RIMS2: variants seen among roughly 807,000 people sequenced by gnomAD.
RIMS2 encodes the protein regulating synaptic membrane exocytosis 2, also known as regulating synaptic membrane exocytosis protein 2.
In RIMS2, 59 loss-of-function variants were observed where a neutral mutation model predicts 174.4. The ratio of observed to expected loss-of-function variants is 0.34; its 90% CI spans 0.27 to 0.42. The LOEUF (loss-of-function observed/expected upper bound fraction) is 0.42, where lower values mean the gene tolerates loss of function less well. Ranked by LOEUF, RIMS2 falls within the 10% of genes least tolerant of loss-of-function variation. The pLI is 1.00. For missense variants in RIMS2, 1,620 were observed against 1,666.3 expected (o/e 0.97, Z 0.48); for synonymous variants, 606 against 572.5 (o/e 1.06, Z -0.84).
At chr8:104,243,246 T>G (rs7823401) in intron 19 of RIMS2, among the ~76,000 whole-genome samples, 7,054 of 152,252 alleles carry the variant, frequency 0.046, 333 homozygotes, top group East Asian at 0.14. Flanking sequence ...TTATACTCTT[T>G]AAAGCATTTT....
At chr8:103,910,559 C>G (rs1317416793) in intron 5 of RIMS2, 30 bp downstream of exon 8, 1 of 1,369,358 alleles carries the variant, frequency 7.3e-7, no homozygotes, top group Admixed American at 1.7e-5. Flanking sequence ...TGCCTTTTAA[C>G]CTGCTCATTT....
At chr8:103,787,182 G>T (rs1314682792) in intron 3 of RIMS2, among the ~76,000 whole-genome samples, 2 of 147,886 alleles carry the variant, frequency 1.4e-5, no homozygotes, top group Non-Finnish European at 3.0e-5. Context: ...CATGAGATGG[G>T]TTTCCTGAAT....
At chr8:104,238,466 T>TA (rs958396642) in intron 19 of RIMS2, among the ~76,000 whole-genome samples, 139 of 140,678 alleles carry the variant, frequency 9.9e-4, no homozygotes, top group South Asian at 1.6e-3. Context: ...AAAGTAAAAT[T>TA]AAAAAAAAAA....
At chr8:104,098,322 G>A (rs2097797026) in intron 19 of RIMS2, among the ~76,000 whole-genome samples, 1 of 152,098 alleles carries the variant, frequency 6.6e-6, no homozygotes, top group African/African-American at 2.4e-5. Flanking sequence ...TCTTAGCCAT[G>A]TGTGGATGGA....
intron 1 of RIMS2, among the ~76,000 whole-genome samples, chr8:103,564,318 T>G (rs912982514): frequency 6.6e-6 from 1 of 152,210 alleles, no homozygotes; most frequent in African/African-American, 2.4e-5. Context: ...GACTATGGTT[T>G]TATTCCAGCC....
At chr8:103,738,667 A>G (rs2097718861) in intron 2 of RIMS2, among the ~76,000 whole-genome samples, 1 of 152,214 alleles carries the variant, frequency 6.6e-6, no homozygotes, top group East Asian at 1.9e-4. Context: ...ATCTACAAAG[A>G]ACTCAAACAA....
chr8:103,746,089 T>C (rs2097808425), intron 2 of RIMS2, among the ~76,000 whole-genome samples: 1 of 152,246 alleles, frequency 6.6e-6, no homozygotes, highest in South Asian at 2.1e-4. Flanking sequence ...AGTTCTTACA[T>C]TGAGGTCTTT....
At chr8:103,656,499 CT>C (rs1195860484) in intron 1 of RIMS2, among the ~76,000 whole-genome samples, 1 of 152,108 alleles carries the variant, frequency 6.6e-6, no homozygotes, top group Non-Finnish European at 1.5e-5. Flanking sequence ...GATAAAAAGA[CT>C]GTGGTTCCTA....
At chr8:103,603,232 G>A (rs954387336) in intron 1 of RIMS2, among the ~76,000 whole-genome samples, 1 of 148,040 alleles carries the variant, frequency 6.8e-6, no homozygotes, top group African/African-American at 2.5e-5. Flanking sequence ...CCACCTATGA[G>A]TGAGCATATG....
At chr8:103,843,855 A>G (rs2098954177) in intron 3 of RIMS2, among the ~76,000 whole-genome samples, 1 of 152,068 alleles carries the variant, frequency 6.6e-6, no homozygotes, top group Non-Finnish European at 1.5e-5. Context: ...GCATGATTTG[A>G]ATTTTCTTTC....
chr8:103,737,712 A>G (rs1196283704), intron 2 of RIMS2, among the ~76,000 whole-genome samples: 7 of 152,142 alleles, frequency 4.6e-5, no homozygotes. Context: ...TCTGTTCCTG[A>G]AGCAACCAAG....
At chr8:103,866,523 C>T (rs770139289) in intron 3 of RIMS2, among the ~76,000 whole-genome samples, 15 of 152,026 alleles carry the variant, frequency 9.9e-5, no homozygotes, top group Non-Finnish European at 2.1e-4. Context: ...TATTTTGGTA[C>T]TTCTCTGCAT....
chr8:103,615,258 C>T, intron 1 of RIMS2, among the ~76,000 whole-genome samples: 1 of 152,096 alleles, frequency 6.6e-6, no homozygotes, highest in Middle Eastern at 3.2e-3. Flanking sequence ...GGAAATTAAA[C>T]AACATGCTCC....
At chr8:104,101,638 A>G (rs527778141) in intron 19 of RIMS2, among the ~76,000 whole-genome samples, 1 of 152,240 alleles carries the variant, frequency 6.6e-6, no homozygotes, top group East Asian at 1.9e-4. Context: ...ATTGTCTCAT[A>G]TAGTTACCTT....
intron 2 of RIMS2, among the ~76,000 whole-genome samples, chr8:103,752,140 A>G (rs2097901412): frequency 6.6e-6 from 1 of 152,148 alleles, no homozygotes; most frequent in African/African-American, 2.4e-5. Flanking sequence ...AGGTGTAAGG[A>G]AGGGATCCAG....
At chr8:104,074,294 C>T (rs1384499448) in intron 19 of RIMS2, among the ~76,000 whole-genome samples, 2 of 152,056 alleles carry the variant, frequency 1.3e-5, no homozygotes, top group African/African-American at 2.4e-5. Flanking sequence ...GCCTGGGTGG[C>T]TTGGGGTAGG....
chr8:104,182,683 C>T (rs2098946902), intron 19 of RIMS2, among the ~76,000 whole-genome samples: 1 of 151,696 alleles, frequency 6.6e-6, no homozygotes, highest in East Asian at 1.9e-4. Context: ...ATAATTATTG[C>T]ACATCTCAGT....
intron 19 of RIMS2, among the ~76,000 whole-genome samples, chr8:104,107,213 G>A (rs1363140592): frequency 3.3e-5 from 5 of 152,010 alleles, no homozygotes; most frequent in Non-Finnish European, 5.9e-5. Context: ...CTGAAATGTG[G>A]CTTCTGGTTT....
chr8:103,790,033 A>T (rs1005544198), intron 3 of RIMS2, among the ~76,000 whole-genome samples: 2 of 152,144 alleles, frequency 1.3e-5, no homozygotes, highest in Non-Finnish European at 2.9e-5. Context: ...AAGTGGTGGG[A>T]TTACAGGTAT....
Sources: gnomAD v4.1 joint callset for allele counts (sites outside exome capture counted in the v4.1 genomes callset) on GRCh38, gnomAD v4.1.1 for gene constraint, MANE v1.5 for transcripts, NCBI Gene and HGNC (gene_info 2026-07-23, HGNC 2026-07-21) for gene names.